The following ATXN7L1 variants were observed in gnomAD, a reference collection of about 807,000 sequenced individuals.
ATXN7L1 encodes ataxin-7-like protein 1.
ATXN7L1 carries 15 observed loss-of-function variants against 70.8 expected under a neutral mutation model. The ratio of observed to expected loss-of-function variants is 0.21; its 90% confidence interval spans 0.14 to 0.33. The LOEUF is 0.33. ATXN7L1 is among the 10% of genes least tolerant of loss of function. The probability of loss-of-function intolerance (pLI) is 1.00; values close to 1 mark genes in which losing one functional copy is unlikely to be tolerated. For missense variants in ATXN7L1, 975 were observed against 1,097.1 expected (o/e 0.89, Z 1.57); for synonymous variants, 440 against 445.1 (o/e 0.99, Z 0.14).
At chr7:105,763,483 C>A (rs1800806579) in intron 3 of ATXN7L1, among the ~76,000 whole-genome samples, 1 of 152,222 alleles carries the variant, frequency 6.6e-6, no homozygotes, top group Admixed American at 6.5e-5. Context: ...CATGAGGCTG[C>A]CTCTTGTTTT....
At chr7:105,714,965 A>G (rs1336696876) in intron 3 of ATXN7L1, among the ~76,000 whole-genome samples, 1 of 152,034 alleles carries the variant, frequency 6.6e-6, no homozygotes, top group Non-Finnish European at 1.5e-5. Context: ...AATTGCATGG[A>G]TCCTAAGGGT....
intron 3 of ATXN7L1, among the ~76,000 whole-genome samples, chr7:105,759,949 G>A (rs1031639450): frequency 7.9e-5 from 12 of 152,112 alleles, no homozygotes; most frequent in African/African-American, 2.4e-4. Flanking sequence ...AAAGGCTGAG[G>A]AGGAATCAGC....
chr7:105,708,195 C>A (rs956164004), intron 3 of ATXN7L1, among the ~76,000 whole-genome samples: 1 of 152,234 alleles, frequency 6.6e-6, no homozygotes, highest in Middle Eastern at 3.4e-3. Flanking sequence ...CAGAGGCCTG[C>A]GTACTGTTCC....
intron 2 of ATXN7L1, among the ~76,000 whole-genome samples, chr7:105,875,574 G>T (rs1297327936): frequency 6.6e-6 from 1 of 150,890 alleles, no homozygotes; most frequent in Non-Finnish European, 1.5e-5. Flanking sequence ...TTCAAACGTG[G>T]AGTCCAACTG....
At chr7:105,802,503 A>G (rs1806974230) in intron 2 of ATXN7L1, among the ~76,000 whole-genome samples, 1 of 152,166 alleles carries the variant, frequency 6.6e-6, no homozygotes, top group Admixed American at 6.5e-5. Flanking sequence ...TCCTCCCCTC[A>G]GCAGTCAGGT....
At chr7:105,637,059 A>T (rs1173513043) in intron 7 of ATXN7L1, among the ~76,000 whole-genome samples, 1 of 152,180 alleles carries the variant, frequency 6.6e-6, no homozygotes, top group Admixed American at 6.5e-5. Flanking sequence ...GATCTTGCAA[A>T]GTGAGGGGTG....
chr7:105,634,128 G>A (rs1001141835), intron 7 of ATXN7L1, among the ~76,000 whole-genome samples: 1 of 152,206 alleles, frequency 6.6e-6, no homozygotes, highest in Non-Finnish European at 1.5e-5. Flanking sequence ...AAAAGCTGAG[G>A]AGTGATAGGG....
At position 105,760,473 on chromosome 7, in the gene ATXN7L1, C is replaced by T. The variant is rs562013308; in HGVS notation, c.355+28131G>A. The T allele has an allele frequency of 9.1e-6, 9 of 985,792 alleles. No homozygotes were observed. In the African/African-American group the frequency reaches 1.6e-4, roughly 17 times the overall value. The allele number at this position is 985,792 out of a possible 1,614,324, so 61.1% of individuals were successfully genotyped here. On this transcript the variant is annotated intron_variant, in intron 3 of 11. Transcript: ENST00000419735. Reference sequence around the variant, plus strand: ...ATCCCATTAAGAATTCCTAATGGTACTCTCCTATATACTGGTGAGGTATAA... The same window carrying T: ...ATCCCATTAAGAATTCCTAATGGTATTCTCCTATATACTGGTGAGGTATAA...
intron 2 of ATXN7L1, among the ~76,000 whole-genome samples, chr7:105,814,864 G>A (rs929947559): frequency 6.6e-6 from 1 of 152,186 alleles, no homozygotes; most frequent in African/African-American, 2.4e-5. Context: ...GTTCTGAATG[G>A]CTTCCTCCTG....
chr7:105,623,060 C>A (rs1795170221), intron 8 of ATXN7L1, among the ~76,000 whole-genome samples: 1 of 152,102 alleles, frequency 6.6e-6, no homozygotes, highest in Non-Finnish European at 1.5e-5. Flanking sequence ...TTCTGGCAGT[C>A]AAAGGCATTC....
rs1794721773 is a variant in ATXN7L1 at position 105,620,207 on chromosome 7, T to A, written c.1510A>T (p.Met504Leu). The change falls in exon 9 of 12, where the codon ATG (methionine) becomes TTG (leucine). Residue 504 changes from methionine to leucine, a missense_variant. Met to Leu is a conservative substitution (Grantham distance 15). This residue lies in a region of ATXN7L1 where 635 missense variants were observed against 699.4 expected (regional missense o/e 0.91). Transcript: ENST00000419735. ...CAAAAGCTGCTCACTTACTTCCACA[T>A]CTGTGAATTCAGGTGTTTTTCTACC... is the stretch of plus-strand genomic sequence containing the variant. Reference protein sequence around the residue: ...SMVEKHLNSQMWKKIPPAADS... With the variant: ...SMVEKHLNSQLWKKIPPAADS... 1 of 1,551,246 alleles carries A rather than the reference T, an allele frequency of 6.4e-7. No homozygotes were observed. Among genetic ancestry groups the A allele is most frequent in the African/African-American group, 1.4e-5 (1 of 73,048 alleles).
chr7:105,721,643 C>T (rs2116302135), intron 3 of ATXN7L1, among the ~76,000 whole-genome samples: 1 of 152,318 alleles, frequency 6.6e-6, no homozygotes, highest in Middle Eastern at 3.4e-3. Context: ...CCTTTGTGAC[C>T]TCGTTTTGTA....
At chr7:105,753,511 A>G (rs879137323) in intron 3 of ATXN7L1, among the ~76,000 whole-genome samples, 1 of 152,152 alleles carries the variant, frequency 6.6e-6, no homozygotes, top group Admixed American at 6.5e-5. Flanking sequence ...TCTTTTTCCT[A>G]TCTATGATGT....
At chr7:105,643,824 G>C (rs1798607503) in intron 4 of ATXN7L1, among the ~76,000 whole-genome samples, 1 of 152,236 alleles carries the variant, frequency 6.6e-6, no homozygotes, top group Non-Finnish European at 1.5e-5. Flanking sequence ...GAGCACAAAG[G>C]TGTGCTTCAC....
At chr7:105,860,374 C>T (rs1816445620) in intron 2 of ATXN7L1, among the ~76,000 whole-genome samples, 1 of 151,978 alleles carries the variant, frequency 6.6e-6, no homozygotes, top group African/African-American at 2.4e-5. Flanking sequence ...CCAGCGGTAG[C>T]ATTTTTTCAT....
intron 7 of ATXN7L1, among the ~76,000 whole-genome samples, chr7:105,627,844 T>TA (rs1450032615): frequency 7.5e-6 from 1 of 134,190 alleles, no homozygotes; most frequent in African/African-American, 2.8e-5. Context: ...GTCTTTAGTT[T>TA]TTTTTTTTTT....
At chr7:105,859,287 G>C (rs1816201900) in intron 2 of ATXN7L1, among the ~76,000 whole-genome samples, 2 of 152,058 alleles carry the variant, frequency 1.3e-5, no homozygotes, top group Admixed American at 6.6e-5. Context: ...GAATTTAAGT[G>C]AACAGCTCAA....
intron 7 of ATXN7L1, among the ~76,000 whole-genome samples, chr7:105,631,102 C>G (rs146164555): frequency 6.6e-6 from 1 of 152,106 alleles, no homozygotes; most frequent in Admixed American, 6.5e-5. Flanking sequence ...TGCTCCTCCA[C>G]CTCTGGACCT....
At chr7:105,751,639 G>GA (rs796564920) in intron 3 of ATXN7L1, among the ~76,000 whole-genome samples, 14 of 144,608 alleles carry the variant, frequency 9.7e-5, no homozygotes, top group Middle Eastern at 7.1e-3. Flanking sequence ...CTGTCTCAAA[G>GA]AAAAAAAAAA....
Sources: gnomAD v4.1 joint callset for allele counts (sites outside exome capture counted in the v4.1 genomes callset) on GRCh38, gnomAD v4.1.1 for gene constraint, gnomAD v4.1.1 regional missense constraint, MANE v1.5 for transcripts, NCBI Gene and HGNC (gene_info 2026-07-23, HGNC 2026-07-21) for gene names.